The following DAGLA variants were observed in gnomAD, a reference collection of about 807,000 sequenced individuals.
DAGLA encodes the protein diacylglycerol lipase alpha.
DAGLA carries 22 observed loss-of-function variants against 102.6 expected under a neutral mutation model. That is an observed-to-expected ratio of 0.21 (90% confidence interval 0.15 to 0.31). The LOEUF (loss-of-function observed/expected upper bound fraction) is 0.31. Ranked by LOEUF, DAGLA falls within the 10% of genes least tolerant of loss-of-function variation. DAGLA has a pLI of 1.00. For synonymous variants in DAGLA, 578 were observed against 628.9 expected (o/e 0.92, Z 1.21); for missense variants, 927 against 1,446.6 (o/e 0.64, Z 5.83).
intron 13 of DAGLA, among the ~76,000 whole-genome samples, chr11:61,736,941 C>A (rs910564337): frequency 1.3e-5 from 2 of 152,192 alleles, no homozygotes; most frequent in Non-Finnish European, 2.9e-5. Flanking sequence ...GAAGGGCTTC[C>A]CCAAGGACAT....
chr11:61,725,363 G>A (rs1441233240), intron 5 of DAGLA, among the ~76,000 whole-genome samples: 1 of 152,164 alleles, frequency 6.6e-6, no homozygotes, highest in Non-Finnish European at 1.5e-5. Flanking sequence ...GTTGGGGGGT[G>A]AGAATAGACA....
At chr11:61,726,702 G>A (rs2065330161) in intron 6 of DAGLA, among the ~76,000 whole-genome samples, 1 of 152,224 alleles carries the variant, frequency 6.6e-6, no homozygotes, top group African/African-American at 2.4e-5. Flanking sequence ...CCAGAGAGGT[G>A]GAGTGACTTG....
At chr11:61,702,611 A>G (rs749760996) in intron 1 of DAGLA, among the ~76,000 whole-genome samples, 80 of 152,218 alleles carry the variant, frequency 5.3e-4, no homozygotes, top group Non-Finnish European at 9.8e-4. Flanking sequence ...CTTCTCACTT[A>G]TAGCCAGGCC....
At chr11:61,739,733 C>T in intron 17 of DAGLA, 72 bp downstream of exon 17, 3 of 1,492,086 alleles carry the variant, frequency 2.0e-6, no homozygotes, top group Non-Finnish European at 2.7e-6. Flanking sequence ...CAGGGCCGGC[C>T]TTGGCTCAAT....
chr11:61,738,353 A>AG (rs2065444200), intron 16 of DAGLA, 146 bp downstream of exon 16: 4 of 640,934 alleles, frequency 6.2e-6, no homozygotes, highest in Non-Finnish European at 1.1e-5. Flanking sequence ...AACTTCAGGA[A>AG]GTCAGACCCT....
intron 19 of DAGLA, 73 bp from the exon 20 acceptor site, chr11:61,743,459 T>C (rs1009617709): frequency 1.4e-5 from 18 of 1,253,660 alleles, no homozygotes; most frequent in Non-Finnish European, 1.8e-5. Flanking sequence ...AAGTTCCTTT[T>C]AGCCAGGGAG....
intron 19 of DAGLA, among the ~76,000 whole-genome samples, chr11:61,742,099 A>G (rs1285797891): frequency 6.6e-6 from 1 of 152,212 alleles, no homozygotes; most frequent in South Asian, 2.1e-4. Flanking sequence ...ATATACAAGG[A>G]CACATGTGGA....
At position 61,744,009 on chromosome 11, in the gene DAGLA, C is replaced by CGGTGGGGGT. The variant is rs774837807; in HGVS notation, c.2652_2660dup (p.Gly886_Gly888dup). The CGGTGGGGGT allele has an allele frequency of 1.9e-6, 3 of 1,611,932 alleles. No homozygotes were observed. Among genetic ancestry groups the CGGTGGGGGT allele is most frequent in the Non-Finnish European group, 2.5e-6 (3 of 1,179,634 alleles). ...CCAATGACGAGGAGGAAGAGGTTGG[C>CGGTGGGGGT]GGTGGGGGTGGCGGGCCGGCCTCCC... On this transcript the variant is annotated inframe_insertion, in exon 20 of 20. Transcript: ENST00000257215.
At chr11:61,687,552 C>T (rs2064995476) in intron 1 of DAGLA, among the ~76,000 whole-genome samples, 1 of 152,230 alleles carries the variant, frequency 6.6e-6, no homozygotes, top group Non-Finnish European at 1.5e-5. Flanking sequence ...TGGTCTTGAA[C>T]TCCTGACCTC....
intron 1 of DAGLA, among the ~76,000 whole-genome samples, chr11:61,687,238 C>G (rs2064992643): frequency 2.6e-5 from 4 of 152,202 alleles, no homozygotes; most frequent in Middle Eastern, 3.4e-3. Flanking sequence ...AGGATGGGTT[C>G]TTTTTGGTGT....
chr11:61,718,479 C>T (rs1035451426), intron 1 of DAGLA, among the ~76,000 whole-genome samples: 2 of 152,216 alleles, frequency 1.3e-5, no homozygotes, highest in Admixed American at 6.5e-5. Context: ...CTGCCACCCA[C>T]GGTGCCCCAG....
intron 10 of DAGLA, 137 bp from the exon 11 acceptor site, chr11:61,735,424 G>A (rs781587852): frequency 4.6e-5 from 34 of 746,458 alleles, no homozygotes; most frequent in African/African-American, 7.0e-5. Context: ...CTGGGAGCCC[G>A]TCAGCCTTTC....
In DAGLA at chr11:61,728,924, C is replaced by G. The variant is rs1169256042; in HGVS notation, c.772-7C>G. The G allele has an allele frequency of 1.2e-6, 2 of 1,613,496 alleles. No homozygotes were observed. Among genetic ancestry groups the G allele is most frequent in the East Asian group, 2.2e-5 (1 of 44,872 alleles). On this transcript the variant is annotated splice_polypyrimidine_tract_variant and splice_region_variant and intron_variant, in intron 7 of 19. Coordinates refer to ENST00000257215, the MANE Select transcript of DAGLA (RefSeq NM_006133.3). ...TGATTGTCCTTCTTCACCTGCCGGT[C>G]TTACAGGCAAACAATGACATCTTGG...
chr11:61,743,472 G>A, intron 19 of DAGLA, 60 bp from the exon 20 acceptor site: 1 of 1,373,952 alleles, frequency 7.3e-7, no homozygotes, highest in Non-Finnish European at 9.7e-7. Context: ...CCAGGGAGCT[G>A]GGGTTCAGTC....
At chr11:61,688,189 C>T (rs1302055916) in intron 1 of DAGLA, among the ~76,000 whole-genome samples, 1 of 151,930 alleles carries the variant, frequency 6.6e-6, no homozygotes, top group Non-Finnish European at 1.5e-5. Flanking sequence ...GTGGTGGGTG[C>T]CTGTAGTCCC....
chr11:61,734,701 G>T lies in DAGLA; in HGVS notation c.975-148G>T. The T allele has an allele frequency of 1.5e-6, 1 of 688,532 alleles. No homozygotes were observed. The highest frequency in any genetic ancestry group is 2.5e-6 in the Non-Finnish European group (1 of 407,586). The allele number at this position is 688,532 out of a possible 1,614,324, so 42.7% of individuals were successfully genotyped here. Reference sequence around the variant, plus strand: ...AAGAGTGGCCAGTGGATTTGGTGACGTGGGGGTCACTAGGACTTAGCAAGG... The same window carrying T: ...AAGAGTGGCCAGTGGATTTGGTGACTTGGGGGTCACTAGGACTTAGCAAGG... On this transcript the variant is annotated intron_variant, in intron 9 of 19. Coordinates refer to ENST00000257215, the MANE Select transcript of DAGLA (RefSeq NM_006133.3). The surrounding 1 kb of genome is among the most constrained non-coding windows in gnomAD (Gnocchi z 4.2).
At chr11:61,721,278 C>T (rs942967527) in intron 3 of DAGLA, among the ~76,000 whole-genome samples, 4 of 152,160 alleles carry the variant, frequency 2.6e-5, no homozygotes, top group Admixed American at 6.5e-5. Context: ...CCTGTAATCC[C>T]AGCTACTTGG....
intron 2 of DAGLA, 52 bp downstream of exon 2, chr11:61,720,302 GA>G: frequency 6.4e-7 from 1 of 1,554,724 alleles, no homozygotes. Context: ...GAAAGGTCTG[GA>G]AGGACGCTTT....
chr11:61,699,285 G>A (rs1383649472), intron 1 of DAGLA, among the ~76,000 whole-genome samples: 1 of 152,184 alleles, frequency 6.6e-6, no homozygotes, highest in Admixed American at 6.5e-5. Context: ...TGGCCTTACT[G>A]CCCTGGAGCT....
Sources: allele counts gnomAD v4.1 joint callset (sites outside exome capture counted in the v4.1 genomes callset), GRCh38; gene constraint gnomAD v4.1.1; non-coding constraint Gnocchi (gnomAD v3.1); transcripts MANE v1.5; gene names NCBI Gene and HGNC (gene_info 2026-07-23, HGNC 2026-07-21).